LMX1A: variants seen among roughly 807,000 people sequenced by gnomAD.
The protein encoded by LMX1A is LIM homeobox transcription factor 1-alpha.
LMX1A carries 15 observed loss-of-function variants against 49.1 expected under a neutral mutation model. The observed-to-expected ratio is 0.31, with a 90% CI of 0.20 to 0.47. The LOEUF is 0.47. Among genes scored for constraint, LMX1A ranks in the 20% least tolerant of loss-of-function variants. The pLI, the probability that LMX1A is intolerant of heterozygous loss-of-function variation, is 1.00. For missense variants in LMX1A, 372 were observed against 475.8 expected (o/e 0.78, Z 2.03); for synonymous variants, 167 against 185.7 (o/e 0.90, Z 0.82).
intron 3 of LMX1A, among the ~76,000 whole-genome samples, chr1:165,290,236 T>G (rs752277009): frequency 1.1e-4 from 16 of 152,238 alleles, no homozygotes; most frequent in Non-Finnish European, 1.6e-4. Context: ...CAACAGAAAT[T>G]TATTCTCTCG....
intron 3 of LMX1A, among the ~76,000 whole-genome samples, chr1:165,250,397 C>A (rs1653014491): frequency 6.6e-6 from 1 of 152,082 alleles, no homozygotes; most frequent in Non-Finnish European, 1.5e-5. Flanking sequence ...TTATTTAAAT[C>A]AACAATAACA....
At chr1:165,266,228 T>C (rs1653613805) in intron 3 of LMX1A, among the ~76,000 whole-genome samples, 1 of 152,204 alleles carries the variant, frequency 6.6e-6, no homozygotes, top group Admixed American at 6.5e-5. Flanking sequence ...CTGGAGGAGT[T>C]ACAATTTTCC....
intron 3 of LMX1A, among the ~76,000 whole-genome samples, chr1:165,319,029 A>T (rs1437021947): frequency 1.4e-5 from 2 of 141,378 alleles, no homozygotes; most frequent in African/African-American, 2.6e-5. Context: ...ACACACACAC[A>T]CACACACACA....
At chr1:165,258,669 C>T (rs1653329460) in intron 3 of LMX1A, among the ~76,000 whole-genome samples, 1 of 152,194 alleles carries the variant, frequency 6.6e-6, no homozygotes, top group Non-Finnish European at 1.5e-5. Flanking sequence ...GCACTGGCCT[C>T]ACCAAGAAAG....
intron 3 of LMX1A, among the ~76,000 whole-genome samples, chr1:165,349,886 G>A (rs1656368796): frequency 6.6e-6 from 1 of 152,158 alleles, no homozygotes; most frequent in Non-Finnish European, 1.5e-5. Flanking sequence ...CTGCCCAACA[G>A]CAAGAAATGC....
intron 4 of LMX1A, among the ~76,000 whole-genome samples, chr1:165,217,202 CAGAG>C (rs1385851026): frequency 1.3e-5 from 2 of 152,124 alleles, no homozygotes; most frequent in East Asian, 3.9e-4. Flanking sequence ...AGCAGAGCGA[CAGAG>C]GGAGGCAGAG....
At chr1:165,306,518 G>C (rs766489862) in intron 3 of LMX1A, among the ~76,000 whole-genome samples, 16 of 152,152 alleles carry the variant, frequency 1.1e-4, no homozygotes, top group Non-Finnish European at 2.1e-4. Context: ...GAGACCCAAG[G>C]GTGAGAATAA....
Position 165,276,550 on chromosome 1 carries a change from G to A in LMX1A, c.264-26910C>T, listed in dbSNP as rs181762535. Among the ~76,000 whole-genome samples, 3 of 152,108 alleles carry A rather than the reference G, an allele frequency of 2.0e-5. No homozygotes were observed. In the East Asian group the frequency reaches 5.8e-4, roughly 29 times the overall value. ...CCTACAACCATATGCTCCAAACCAG[G>A]GTGAACACAATGCTCAAAGATTGAG... is the stretch of plus-strand genomic sequence containing the variant. On this transcript the variant is annotated intron_variant, in intron 3 of 8. Transcript: ENST00000342310.
At chr1:165,331,467 A>G (rs2101752666) in intron 3 of LMX1A, among the ~76,000 whole-genome samples, 1 of 152,344 alleles carries the variant, frequency 6.6e-6, no homozygotes, top group Middle Eastern at 3.4e-3. Context: ...TTAAATGAGC[A>G]AATGTTGCTA....
chr1:165,285,349 T>A (rs1654274457), intron 3 of LMX1A, among the ~76,000 whole-genome samples: 3 of 152,216 alleles, frequency 2.0e-5, no homozygotes, highest in Admixed American at 2.0e-4. Flanking sequence ...AGACTGTGTT[T>A]GAAAATCCTT....
At chr1:165,216,036 C>G (rs1052396404) in intron 4 of LMX1A, 8 of 152,084 alleles carry the variant, frequency 5.3e-5, no homozygotes, top group African/African-American at 1.9e-4. Context: ...AAATAAAACC[C>G]CCCACAAGAT....
chr1:165,233,114 G>A (rs1652292794), intron 4 of LMX1A, among the ~76,000 whole-genome samples: 1 of 152,138 alleles, frequency 6.6e-6, no homozygotes, highest in African/African-American at 2.4e-5. Flanking sequence ...TTTTCCCATA[G>A]CCATGAAGAC....
intron 3 of LMX1A, among the ~76,000 whole-genome samples, chr1:165,301,482 T>C (rs1384011860): frequency 6.6e-6 from 1 of 152,148 alleles, no homozygotes; most frequent in Non-Finnish European, 1.5e-5. Flanking sequence ...AGCTGGGAAA[T>C]GCACTGCATC....
At chr1:165,226,838 A>G (rs1652054040) in intron 4 of LMX1A, among the ~76,000 whole-genome samples, 1 of 152,234 alleles carries the variant, frequency 6.6e-6, no homozygotes, top group African/African-American at 2.4e-5. Context: ...AATATTTTTT[A>G]GTATGCAGAG....
chr1:165,274,735 C>T (rs1010785521), intron 3 of LMX1A, among the ~76,000 whole-genome samples: 1 of 152,128 alleles, frequency 6.6e-6, no homozygotes, highest in Non-Finnish European at 1.5e-5. Context: ...ATGGCGGTCA[C>T]GGATGTAACG....
chr1:165,268,841 T>C (rs1341221726), intron 3 of LMX1A, among the ~76,000 whole-genome samples: 6 of 152,258 alleles, frequency 3.9e-5, no homozygotes, highest in African/African-American at 2.4e-5. Context: ...GCTGTCTACA[T>C]GTGCTTCACA....
intron 3 of LMX1A, among the ~76,000 whole-genome samples, chr1:165,252,985 C>T (rs1653111082): frequency 6.6e-6 from 1 of 152,228 alleles, no homozygotes; most frequent in Non-Finnish European, 1.5e-5. Flanking sequence ...ATCCACTATG[C>T]ACCCTGAAAT....
At chr1:165,224,901 T>G (rs1651978919) in intron 4 of LMX1A, among the ~76,000 whole-genome samples, 1 of 152,206 alleles carries the variant, frequency 6.6e-6, no homozygotes, top group Non-Finnish European at 1.5e-5. Context: ...TCTTTCACAT[T>G]GATATTGATG....
At chr1:165,276,615 G>A (rs1292983359) in intron 3 of LMX1A, among the ~76,000 whole-genome samples, 1 of 151,476 alleles carries the variant, frequency 6.6e-6, no homozygotes, top group African/African-American at 2.4e-5. Flanking sequence ...CTAAAGTCAC[G>A]TTAGACAGTG....
Sources: allele counts gnomAD v4.1 joint callset (sites outside exome capture counted in the v4.1 genomes callset), GRCh38; gene constraint gnomAD v4.1.1; transcripts MANE v1.5; gene names NCBI Gene and HGNC (gene_info 2026-07-23, HGNC 2026-07-21).